Variants in DIP2C observed in about 807,000 individuals in gnomAD.
DIP2C encodes the protein disco-interacting protein 2 homolog C.
Under a neutral mutation model 192.4 loss-of-function variants are expected in DIP2C, and 33 were observed. The ratio of observed to expected loss-of-function variants is 0.17; its 90% confidence interval spans 0.13 to 0.23. The LOEUF is 0.23. Ranked by LOEUF, DIP2C falls within the 10% of genes least tolerant of loss-of-function variation. The pLI, the probability that DIP2C is intolerant of heterozygous loss-of-function variation, is 1.00. For missense variants in DIP2C, 1,537 were observed against 2,110.1 expected (o/e 0.73, Z 5.32); for synonymous variants, 979 against 864.1 (o/e 1.13, Z -2.33).
intron 1 of DIP2C, among the ~76,000 whole-genome samples, chr10:647,991 GAGAGAA>G (rs1855569177): frequency 6.6e-6 from 1 of 151,974 alleles, no homozygotes; most frequent in Admixed American, 6.5e-5. Context: ...TGGACGGTGG[GAGAGAA>G]CAGAGGGAAA....
chr10:293,148 C>T (rs2132215638), intron 32 of DIP2C, among the ~76,000 whole-genome samples: 1 of 152,362 alleles, frequency 6.6e-6, no homozygotes, highest in East Asian at 1.9e-4. Context: ...CCACTGGGAG[C>T]CCACCCTGCC....
chr10:562,264 G>C (rs61679351), intron 1 of DIP2C, among the ~76,000 whole-genome samples: 5,025 of 152,296 alleles, frequency 0.033, 167 homozygotes, highest in African/African-American at 0.08. Flanking sequence ...AACATCATCA[G>C]GACAAACTTT....
chr10:509,976 G>A (rs1046052733), intron 1 of DIP2C, among the ~76,000 whole-genome samples: 8 of 152,210 alleles, frequency 5.3e-5, no homozygotes, highest in African/African-American at 1.9e-4. Flanking sequence ...AATGCAGCAG[G>A]GCTACTTCAG....
At chr10:548,209 C>CCG (rs1554897777) in intron 1 of DIP2C, among the ~76,000 whole-genome samples, 2 of 34,902 alleles carry the variant, frequency 5.7e-5, no homozygotes, top group East Asian at 3.5e-3. Flanking sequence ...GTCTGCCCCA[C>CCG]CCCCCCCCCC....
intron 1 of DIP2C, among the ~76,000 whole-genome samples, chr10:599,584 C>T (rs141271058): frequency 2.5e-3 from 385 of 152,164 alleles, no homozygotes; most frequent in Non-Finnish European, 4.6e-3. Context: ...AGGAAAATGA[C>T]GACATGTTAA....
chr10:557,880 G>C (rs1280799808), intron 1 of DIP2C, among the ~76,000 whole-genome samples: 8 of 123,314 alleles, frequency 6.5e-5, no homozygotes, highest in African/African-American at 1.7e-4. Context: ...CAGGCAGGCA[G>C]GGGGAGGGGG....
chr10:670,183 C>T (rs956014854), intron 1 of DIP2C, among the ~76,000 whole-genome samples: 3 of 152,112 alleles, frequency 2.0e-5, no homozygotes, highest in Non-Finnish European at 2.9e-5. Context: ...AACATGTACA[C>T]GTGTGTACAT....
chr10:606,286 G>A (rs770129083), intron 1 of DIP2C, among the ~76,000 whole-genome samples: 4 of 152,068 alleles, frequency 2.6e-5, no homozygotes, highest in East Asian at 3.9e-4. Flanking sequence ...GTCCGAGGGG[G>A]AAGACACCAG....
intron 1 of DIP2C, among the ~76,000 whole-genome samples, chr10:570,770 G>A (rs148641798): frequency 7.2e-5 from 11 of 152,336 alleles, no homozygotes; most frequent in African/African-American, 2.2e-4. Flanking sequence ...ACACTACCTT[G>A]CATGAGGCAA....
intron 32 of DIP2C, among the ~76,000 whole-genome samples, chr10:308,825 A>G (rs1297828725): frequency 6.6e-6 from 1 of 152,170 alleles, no homozygotes; most frequent in Admixed American, 6.5e-5. Flanking sequence ...TGCATCTACG[A>G]GTGTGAACCG....
intron 1 of DIP2C, among the ~76,000 whole-genome samples, chr10:614,270 G>A (rs1401717017): frequency 1.3e-5 from 2 of 152,258 alleles, no homozygotes; most frequent in Non-Finnish European, 2.9e-5. Flanking sequence ...TTCCTCCAGT[G>A]TATGGTGTGG....
intron 17 of DIP2C, 112 bp from the exon 18 acceptor site, chr10:369,745 C>A (rs781527110): frequency 1.3e-6 from 2 of 1,553,084 alleles, no homozygotes; most frequent in Non-Finnish European, 1.8e-6. Context: ...ACAGTGCTGG[C>A]ACCCCAGGCA....
chr10:364,900 G>A, intron 19 of DIP2C: 1 of 571,542 alleles, frequency 1.7e-6, no homozygotes, highest in Non-Finnish European at 3.4e-6. Context: ...TGATTACTTG[G>A]TTTACAAAAC....
At chr10:503,474 A>AG (rs755282690) in intron 1 of DIP2C, among the ~76,000 whole-genome samples, 1 of 152,220 alleles carries the variant, frequency 6.6e-6, no homozygotes, top group East Asian at 1.9e-4. Context: ...TAAAACTACA[A>AG]GGGAGAAACA....
At chr10:325,087 A>G (rs1437076421) in intron 31 of DIP2C, 1 of 399,676 alleles carries the variant, frequency 2.5e-6, no homozygotes, top group Non-Finnish European at 5.0e-6. Flanking sequence ...AACACGGTGA[A>G]ACCCCATCTC....
At chr10:514,307 C>T (rs1254337016) in intron 1 of DIP2C, among the ~76,000 whole-genome samples, 1 of 152,182 alleles carries the variant, frequency 6.6e-6, no homozygotes, top group Non-Finnish European at 1.5e-5. Context: ...GGCATGGCAA[C>T]CCCACTCCTG....
At chr10:317,826 C>A (rs889513449) in intron 31 of DIP2C, among the ~76,000 whole-genome samples, 4 of 152,228 alleles carry the variant, frequency 2.6e-5, no homozygotes, top group Non-Finnish European at 5.9e-5. Context: ...GCCTAGGGCA[C>A]GTGAGACATC....
At chr10:329,291 TTGTAAGCTTCAGG>T (rs764366667) in intron 30 of DIP2C, 129 bp downstream of exon 30, 741 of 828,066 alleles carry the variant, frequency 8.9e-4, no homozygotes, top group Non-Finnish European at 7.6e-4. Context: ...TAAAGGCAGT[TTGTAAGCTTCAGG>T]TGACGTTAGA....
At chr10:644,136 G>A (rs1305708496) in intron 1 of DIP2C, among the ~76,000 whole-genome samples, 10 of 152,228 alleles carry the variant, frequency 6.6e-5, no homozygotes, top group Non-Finnish European at 1.3e-4. Flanking sequence ...AAGAGACTGG[G>A]AGTTACACAT....
Sources: allele counts gnomAD v4.1 joint callset (sites outside exome capture counted in the v4.1 genomes callset), GRCh38; gene constraint gnomAD v4.1.1; transcripts MANE v1.5; gene names NCBI Gene and HGNC (gene_info 2026-07-23, HGNC 2026-07-21).